Variants in ERBIN observed in about 807,000 individuals in gnomAD.
ERBIN encodes densin-180-like protein.
Under a neutral mutation model 158.4 loss-of-function variants are expected in ERBIN, and 60 were observed. That is an observed-to-expected ratio of 0.38 (90% CI 0.31 to 0.47). The LOEUF is 0.47. Ranked by LOEUF, ERBIN falls within the 20% of genes least tolerant of loss-of-function variation. The pLI is 0.99. For synonymous variants in ERBIN, 594 were observed against 557.2 expected (o/e 1.07, Z -0.93); for missense variants, 1,610 against 1,648.0 (o/e 0.98, Z 0.40).
chr5:65,941,015 A>G (rs1580089499), intron 1 of ERBIN, among the ~76,000 whole-genome samples: 1 of 151,960 alleles, frequency 6.6e-6, no homozygotes, highest in East Asian at 1.9e-4. Context: ...CGGTGACCCT[A>G]CCCCCAACCC....
intron 25 of ERBIN, among the ~76,000 whole-genome samples, chr5:66,077,320 G>C (rs1023425285): frequency 6.6e-6 from 1 of 151,874 alleles, no homozygotes; most frequent in Admixed American, 6.6e-5. Context: ...ATTTTTTCCT[G>C]TCCCCTCCTT....
intron 21 of ERBIN, among the ~76,000 whole-genome samples, chr5:66,070,659 TTATG>T (rs569218929): frequency 5.6e-4 from 86 of 152,310 alleles, no homozygotes; most frequent in African/African-American, 2.0e-3. Flanking sequence ...CTAAATTCAT[TTATG>T]TATTCTAAAA....
chr5:65,998,445 A>G (rs1752678944), intron 4 of ERBIN, among the ~76,000 whole-genome samples: 1 of 151,864 alleles, frequency 6.6e-6, no homozygotes, highest in African/African-American at 2.4e-5. Flanking sequence ...ACAATAACTA[A>G]TAAATTTTAG....
In ERBIN at chr5:65,965,379, GTTGTTTTTTTTTTTT is replaced by G. The variant is rs1748458622; in HGVS notation, c.-57-23253_-57-23239del. ...GCTGTTCTTACCAGATTTGTTTTTT[GTTGTTTTTTTTTTTT>G]TTTTTTTTTTTTTTTTTTTTTTTTT... is the stretch of plus-strand genomic sequence containing the variant. On this transcript the variant is annotated intron_variant, in intron 1 of 25. Transcript: ENST00000284037. 8.7e-5 allele frequency among the ~76,000 whole-genome samples: 9 copies of G among 103,652 alleles called. No individual in the cohort carries two copies. In the Admixed American group the frequency reaches 1.1e-3, roughly 13 times the overall value. The allele number at this position is 103,652 out of a possible 152,430, so 68.0% of individuals were successfully genotyped here.
At chr5:65,951,975 T>C (rs748023749) in intron 1 of ERBIN, among the ~76,000 whole-genome samples, 7 of 152,206 alleles carry the variant, frequency 4.6e-5, no homozygotes, top group Non-Finnish European at 1.5e-5. Context: ...TCATCGTGGA[T>C]TTACTTTGCA....
intron 1 of ERBIN, among the ~76,000 whole-genome samples, chr5:65,932,555 A>T (rs1743572604): frequency 6.6e-6 from 1 of 152,182 alleles, no homozygotes. Flanking sequence ...TGTCTCAGGG[A>T]CTTCCAGAGA....
chr5:65,943,953 C>G (rs771106111), intron 1 of ERBIN, among the ~76,000 whole-genome samples: 7 of 152,208 alleles, frequency 4.6e-5, no homozygotes, highest in Non-Finnish European at 8.8e-5. Context: ...CCTCAAGGTT[C>G]ATCTGTGTTT....
chr5:66,034,296 GT>G (rs988150994), intron 14 of ERBIN, among the ~76,000 whole-genome samples: 21 of 145,732 alleles, frequency 1.4e-4, no homozygotes, highest in East Asian at 6.1e-4. Flanking sequence ...ACTCATAGCT[GT>G]TTTTTTTTTT....
intron 6 of ERBIN, among the ~76,000 whole-genome samples, chr5:66,013,898 T>C (rs559965426): frequency 7.9e-5 from 12 of 152,282 alleles, no homozygotes; most frequent in African/African-American, 2.9e-4. Context: ...AATTTCTGTA[T>C]GCTTGAGATA....
chr5:66,017,758 A>G (rs1298488250), intron 7 of ERBIN, among the ~76,000 whole-genome samples: 1 of 151,908 alleles, frequency 6.6e-6, no homozygotes, highest in Non-Finnish European at 1.5e-5. Context: ...AGTATCCTTG[A>G]TATTTATATT....
chr5:66,056,405 A>G (rs373057723), intron 21 of ERBIN, among the ~76,000 whole-genome samples: 5 of 152,124 alleles, frequency 3.3e-5, no homozygotes, highest in African/African-American at 1.2e-4. Context: ...GGAAGAAGAG[A>G]TGAGTTTGGT....
chr5:66,079,288 G>T lies in ERBIN; in HGVS notation c.*758G>T, dbSNP rs1287080619. ...CTATACATTTGCTACTGGTGATTCA[G>T]TTTTTAATTTTTTAGTCACAGGAAA... On this transcript the variant is annotated 3_prime_UTR_variant, in exon 26 of 26. Transcript: ENST00000284037. 6.6e-6 allele frequency: 1 copy of T among 151,762 alleles called. No individual in the cohort carries two copies. Among genetic ancestry groups the T allele is most frequent in the African/African-American group, 2.4e-5 (1 of 41,214 alleles). The allele number at this position is 151,762 out of a possible 1,614,324, so 9.4% of individuals were successfully genotyped here.
intron 1 of ERBIN, among the ~76,000 whole-genome samples, chr5:65,963,552 C>T (rs987722894): frequency 9.9e-5 from 15 of 151,930 alleles, no homozygotes; most frequent in Admixed American, 5.9e-4. Flanking sequence ...GAGCTGAGAT[C>T]GTGCCATTGC....
intron 21 of ERBIN, among the ~76,000 whole-genome samples, chr5:66,060,710 A>G (rs1760186569): frequency 6.6e-6 from 1 of 152,158 alleles, no homozygotes; most frequent in African/African-American, 2.4e-5. Context: ...CACTGCTTTG[A>G]ATGTGTCCCA....
chr5:66,039,475 AC>A (rs1452805393), intron 15 of ERBIN, among the ~76,000 whole-genome samples: 1 of 151,982 alleles, frequency 6.6e-6, no homozygotes, highest in African/African-American at 2.4e-5. Flanking sequence ...ATCTTCAGAG[AC>A]AAAGAAAAGT....
At position 66,012,032 on chromosome 5, in the gene ERBIN, C is replaced by T. The variant is rs545553739; in HGVS notation, c.308-17C>T. On this transcript the variant is annotated splice_polypyrimidine_tract_variant and intron_variant, in intron 4 of 25. Transcript: ENST00000284037. ...TTTGTAATAGATCTTTTAATTTGATCGTTGTTTGTTTTCTAGGAATACAGG... is the reference window on the plus strand; with the variant it reads ...TTTGTAATAGATCTTTTAATTTGATTGTTGTTTGTTTTCTAGGAATACAGG... The T allele has an allele frequency of 2.0e-5, 30 of 1,493,694 alleles. No homozygotes were observed. The highest frequency in any genetic ancestry group is 6.8e-5 in the East Asian group (3 of 44,166). The allele number at this position is 1,493,694 out of a possible 1,614,324, so 92.5% of individuals were successfully genotyped here.
At chr5:66,000,614 A>G (rs1580307790) in intron 4 of ERBIN, among the ~76,000 whole-genome samples, 2 of 152,290 alleles carry the variant, frequency 1.3e-5, no homozygotes, top group Admixed American at 6.5e-5. Context: ...ATTGCTGCCA[A>G]TAAGTCTTAG....
intron 1 of ERBIN, among the ~76,000 whole-genome samples, chr5:65,956,514 C>T (rs528810675): frequency 1.7e-3 from 261 of 150,706 alleles, no homozygotes; most frequent in African/African-American, 5.9e-3. Flanking sequence ...TGCAGACACT[C>T]GCCACCACAC....
At chr5:66,011,457 G>A (rs1754191891) in intron 4 of ERBIN, among the ~76,000 whole-genome samples, 1 of 152,214 alleles carries the variant, frequency 6.6e-6, no homozygotes, top group Non-Finnish European at 1.5e-5. Context: ...GGAGATCGAG[G>A]TGGGTGGATC....
Sources: gnomAD v4.1 joint callset for allele counts (sites outside exome capture counted in the v4.1 genomes callset) on GRCh38, gnomAD v4.1.1 for gene constraint, MANE v1.5 for transcripts, NCBI Gene and HGNC (gene_info 2026-07-23, HGNC 2026-07-21) for gene names.